The following KCNQ1OT1 variants were observed in gnomAD, a reference collection of about 807,000 sequenced individuals.
The protein encoded by KCNQ1OT1 is KCNQ1 antisense RNA 2 (non-protein coding).
exon 1 of KCNQ1OT1, chr11:2,641,972 C>T (rs1849586426): frequency 2.5e-6 from 1 of 398,460 alleles, no homozygotes; most frequent in East Asian, 3.6e-5. Context: ...AGGTTCTACT[C>T]TGTTCCATTG....
At chr11:2,619,076 CAG>C (rs1849119217) in exon 1 of KCNQ1OT1, 1 of 398,300 alleles carries the variant, frequency 2.5e-6, no homozygotes, top group Non-Finnish European at 4.4e-6. Context: ...GTTGCTTTGT[CAG>C]AGTCTTCGGG....
In KCNQ1OT1 at chr11:2,687,357, G is replaced by T; in HGVS notation, n.12638C>A. 5.0e-6 allele frequency: 2 copies of T among 398,698 alleles called. No homozygotes were observed. The highest frequency in any genetic ancestry group is 8.8e-6 in the Non-Finnish European group (2 of 226,120). The allele number at this position is 398,698 out of a possible 1,614,324, so 24.7% of individuals were successfully genotyped here. A position where few individuals can be genotyped will look rare whatever the true frequency, so the allele number is the denominator to read the frequency against. On this transcript the variant is annotated non_coding_transcript_exon_variant, in exon 1 of 1. Coordinates refer to ENST00000597346, the Ensembl canonical transcript of KCNQ1OT1. The surrounding 1 kb of genome is among the most constrained non-coding windows in gnomAD (Gnocchi z 5.0). ...GCCAGAGGCTGAGGTAGCCAGGTCT[G>T]CCTTGGGCTGTCACTCAGGGCTGAG...
rs1238644876 is a variant in KCNQ1OT1, at chr11:2,659,874, T to C, written n.40121A>G. The C allele has an allele frequency of 2.5e-6, 1 of 398,354 alleles. No individual in the cohort carries two copies. Among genetic ancestry groups the C allele is most frequent in the Non-Finnish European group, 4.4e-6 (1 of 225,990 alleles). The allele number at this position is 398,354 out of a possible 1,614,324, so 24.7% of individuals were successfully genotyped here. On this transcript the variant is annotated non_coding_transcript_exon_variant, in exon 1 of 1. Coordinates refer to ENST00000597346, the Ensembl canonical transcript of KCNQ1OT1. The surrounding 1 kb of genome is among the most constrained non-coding windows in gnomAD (Gnocchi z 4.3). The stretch of plus-strand genomic sequence containing the variant: ...TTTTCATGTGCTTATTTATAATCCA[T>C]TTTTAAAATTGGATTGTTCACTTTA...
exon 1 of KCNQ1OT1, chr11:2,630,165 AT>A (rs1849330053): frequency 5.0e-6 from 2 of 398,230 alleles, no homozygotes. Flanking sequence ...ATTTGCACTT[AT>A]CAAAATGATT....
chr11:2,672,952 A>G, exon 1 of KCNQ1OT1: 1 of 398,802 alleles, frequency 2.5e-6, no homozygotes. Flanking sequence ...GCAAGGAATC[A>G]TGAACCCCAG....
At position 2,670,945 on chromosome 11, in the gene KCNQ1OT1, A is replaced by G; in HGVS notation, n.29050T>C. 1 of 398,636 alleles carries G rather than the reference A, an allele frequency of 2.5e-6. No homozygotes were observed. Among genetic ancestry groups the G allele is most frequent in the Non-Finnish European group, 4.4e-6 (1 of 226,088 alleles). 24.7% of individuals were successfully genotyped at this position (398,636 alleles called of 1,614,324 possible). A position where few individuals can be genotyped will look rare whatever the true frequency, so the allele number is the denominator to read the frequency against. On this transcript the variant is annotated non_coding_transcript_exon_variant, in exon 1 of 1. Transcript: ENST00000597346. This position sits in a 1 kb window ranked among gnomAD's most constrained non-coding sequence, Gnocchi z 4.9. ...GATGCAAATTGGCAGGCCCAGCTTC[A>G]TGCCTTCTTATGGTGCCCCAGAGCC...
At chr11:2,609,890 C>G (rs1848950122) in exon 1 of KCNQ1OT1, 1 of 397,938 alleles carries the variant, frequency 2.5e-6, no homozygotes, top group African/African-American at 2.1e-5. Flanking sequence ...CTTTTACTTT[C>G]AGTTGGCATT....
chr11:2,668,811 C>T lies in KCNQ1OT1; in HGVS notation n.31184G>A. ...CAGAAGGTCTTAATTTTCATGTGGT[C>T]CAGTTAATCAAACATTTCCTCTCTG... On this transcript the variant is annotated non_coding_transcript_exon_variant, in exon 1 of 1. Transcript: ENST00000597346. This position sits in a 1 kb window ranked among gnomAD's most constrained non-coding sequence, Gnocchi z 4.3. 1 of 398,552 alleles carries T rather than the reference C, an allele frequency of 2.5e-6. No homozygotes were observed. The highest frequency in any genetic ancestry group is 4.4e-6 in the Non-Finnish European group (1 of 226,040). 24.7% of individuals were successfully genotyped at this position (398,552 alleles called of 1,614,324 possible).
At chr11:2,694,617 A>G (rs1850643307) in exon 1 of KCNQ1OT1, 1 of 398,530 alleles carries the variant, frequency 2.5e-6, no homozygotes, top group South Asian at 1.3e-4. Context: ...CGTTCAATAA[A>G]TGAATGAAAC....
exon 1 of KCNQ1OT1, chr11:2,688,312 G>T (rs1282557092): frequency 1.3e-5 from 5 of 398,634 alleles, no homozygotes; most frequent in Non-Finnish European, 2.2e-5. Flanking sequence ...GAAAATCTAA[G>T]CACGTCACAC....
chr11:2,678,424 A>G lies in KCNQ1OT1; in HGVS notation n.21571T>C. On this transcript the variant is annotated non_coding_transcript_exon_variant, in exon 1 of 1. Coordinates refer to ENST00000597346, the Ensembl canonical transcript of KCNQ1OT1. This position sits in a 1 kb window ranked among gnomAD's most constrained non-coding sequence, Gnocchi z 4.9. The stretch of plus-strand genomic sequence containing the variant: ...CCAGTTGTCCAACACTATTTATTTG[A>G]GTACATCATCATCTCTCTACTAATT... 2.5e-6 allele frequency: 1 copy of G among 398,564 alleles called. No homozygotes were observed. Among genetic ancestry groups the G allele is most frequent in the Non-Finnish European group, 4.4e-6 (1 of 226,062 alleles). The allele number at this position is 398,564 out of a possible 1,614,324, so 24.7% of individuals were successfully genotyped here. A position where few individuals can be genotyped will look rare whatever the true frequency, so the allele number is the denominator to read the frequency against.
rs1476469916 is a variant in KCNQ1OT1, at chr11:2,620,259, C to G, written n.79736G>C. The G allele has an allele frequency of 8.8e-6, 2 of 226,620 alleles. No homozygotes were observed. Among genetic ancestry groups the G allele is most frequent in the African/African-American group, 4.6e-5 (2 of 43,100 alleles). 14.0% of individuals were successfully genotyped at this position (226,620 alleles called of 1,614,324 possible). ...TAGACGGAGTTTCGCTCTTGTTGCCCAGGCTGGAGGGCAATGGCATGATCT... is the reference window on the plus strand; with the variant it reads ...TAGACGGAGTTTCGCTCTTGTTGCCGAGGCTGGAGGGCAATGGCATGATCT... On this transcript the variant is annotated non_coding_transcript_exon_variant, in exon 1 of 1. Transcript: ENST00000597346. The surrounding 1 kb of genome is among the most constrained non-coding windows in gnomAD (Gnocchi z 4.5).
chr11:2,616,481 A>C, exon 1 of KCNQ1OT1: 1 of 397,816 alleles, frequency 2.5e-6, no homozygotes, highest in Non-Finnish European at 4.4e-6. Context: ...AAGGTATAAT[A>C]TTAGGTTATG....
rs1850204154 is a variant in KCNQ1OT1, at chr11:2,672,483, T to A, written n.27512A>T. On this transcript the variant is annotated non_coding_transcript_exon_variant, in exon 1 of 1. Coordinates refer to ENST00000597346, the Ensembl canonical transcript of KCNQ1OT1. ...ATATCCTTCCCTAAGGTCCCCACAT[T>A]CCATGGCAGTGCCTAGGAGCTCTGT... 1.3e-5 allele frequency: 5 copies of A among 398,622 alleles called. No individual in the cohort carries two copies. In the South Asian group the frequency reaches 3.8e-4, roughly 30 times the overall value. The allele number at this position is 398,622 out of a possible 1,614,324, so 24.7% of individuals were successfully genotyped here.
At chr11:2,641,812 A>T in exon 1 of KCNQ1OT1, 1 of 398,412 alleles carries the variant, frequency 2.5e-6, no homozygotes, top group Non-Finnish European at 4.4e-6. Flanking sequence ...AGTTGATTTT[A>T]GTATAGCAAG....
chr11:2,667,342 T>A, exon 1 of KCNQ1OT1: 1 of 398,644 alleles, frequency 2.5e-6, no homozygotes, highest in Non-Finnish European at 4.4e-6. Flanking sequence ...AGGCTTCTCA[T>A]TTCCTCTGCA....
chr11:2,658,515 A>G lies in KCNQ1OT1; in HGVS notation n.41480T>C, dbSNP rs1389527256. 1 of 398,322 alleles carries G rather than the reference A, an allele frequency of 2.5e-6. No homozygotes were observed. The highest frequency in any genetic ancestry group is 2.1e-5 in the African/African-American group (1 of 48,548). 24.7% of individuals were successfully genotyped at this position (398,322 alleles called of 1,614,324 possible). On this transcript the variant is annotated non_coding_transcript_exon_variant, in exon 1 of 1. Coordinates refer to ENST00000597346, the Ensembl canonical transcript of KCNQ1OT1. This position sits in a 1 kb window ranked among gnomAD's most constrained non-coding sequence, Gnocchi z 4.9. ...AGCATTTCTTTTCTAGCACTTGACA[A>G]TACTTCAGGCTCATCTTTTATTTTC...
exon 1 of KCNQ1OT1, chr11:2,618,979 C>T: frequency 2.5e-6 from 1 of 398,056 alleles, no homozygotes; most frequent in Middle Eastern, 6.3e-4. Flanking sequence ...TTGGCCAGGT[C>T]ATTATTTGTG....
At chr11:2,672,730 A>C in exon 1 of KCNQ1OT1, 1 of 398,866 alleles carries the variant, frequency 2.5e-6, no homozygotes. Flanking sequence ...TCCAGACTCC[A>C]AGTTCTATGC....
Sources: allele counts gnomAD v4.1 joint callset, GRCh38; gene constraint gnomAD v4.1.1; non-coding constraint Gnocchi (gnomAD v3.1); transcripts MANE v1.5; gene names NCBI Gene and HGNC (gene_info 2026-07-23, HGNC 2026-07-21).